The following CELF4 variants were observed in gnomAD, a reference collection of about 807,000 sequenced individuals.
The protein encoded by CELF4 is CUGBP Elav-like family member 4.
CELF4 carries 18 observed loss-of-function variants against 59.9 expected under a neutral mutation model. That is an observed-to-expected ratio of 0.30 (90% CI 0.21 to 0.45). The LOEUF (loss-of-function observed/expected upper bound fraction) is 0.45. CELF4 is among the 20% of genes least tolerant of loss of function. The pLI is 1.00. For missense variants in CELF4, 456 were observed against 689.0 expected, an observed-to-expected ratio of 0.66 and a Z score of 3.79; for synonymous variants, 261 against 267.1, an observed-to-expected ratio of 0.98 and a Z score of 0.22.
At chr18:37,489,067 G>A (rs558008058) in intron 1 of CELF4, among the ~76,000 whole-genome samples, 10 of 152,364 alleles carry the variant, frequency 6.6e-5, no homozygotes, top group Non-Finnish European at 1.0e-4. Flanking sequence ...AGGTGTTGAA[G>A]CCCCTTCCTT....
intron 10 of CELF4, among the ~76,000 whole-genome samples, chr18:37,261,600 C>T (rs1221771620): frequency 6.6e-6 from 1 of 152,230 alleles, no homozygotes; most frequent in Non-Finnish European, 1.5e-5. Flanking sequence ...GATTACAGAA[C>T]ATGCAGATGG....
At position 37,565,516 on chromosome 18, in the gene CELF4, G is replaced by A. The variant is rs766418247; in HGVS notation, c.126C>T (p.Asn42=). Residue 42 remains asparagine, a synonymous_variant, in exon 1 of 13, where the codon AAC becomes AAT. Transcript: ENST00000420428. The part of the protein sequence containing the change: ...HMNGLSHSPG[N]PSTIPMKDHD... ...GGTCCTTCATGGGAATGGTCGACGG[G>A]TTCCCCGGGCTGTGGCTTAATCCGT... 1.2e-6 allele frequency: 2 copies of A among 1,614,170 alleles called. No homozygotes were observed. The highest frequency in any genetic ancestry group is 1.7e-5 in the Admixed American group (1 of 60,026).
chr18:37,257,194 AC>A (rs1205912127), intron 11 of CELF4, among the ~76,000 whole-genome samples: 2 of 152,090 alleles, frequency 1.3e-5, no homozygotes, highest in African/African-American at 4.8e-5. Flanking sequence ...CTGCACCCAC[AC>A]CCGGGATGGT....
chr18:37,259,298 G>A, intron 10 of CELF4, 34 bp from the exon 11 acceptor site: 1 of 783,764 alleles, frequency 1.3e-6, no homozygotes, highest in South Asian at 1.6e-5. Context: ...CGGGGGAGGA[G>A]GGATGGCAGG....
At chr18:37,465,457 T>C (rs2099805347) in intron 2 of CELF4, among the ~76,000 whole-genome samples, 1 of 152,058 alleles carries the variant, frequency 6.6e-6, no homozygotes, top group Admixed American at 6.6e-5. Flanking sequence ...ATGGGCAGCC[T>C]CCATGTGGAC....
intron 1 of CELF4, among the ~76,000 whole-genome samples, chr18:37,534,619 T>G (rs1036793175): frequency 6.6e-6 from 1 of 152,208 alleles, no homozygotes; most frequent in African/African-American, 2.4e-5. Flanking sequence ...TCTCAATTCC[T>G]GCATTCAACC....
rs775042482 is a variant in CELF4, at chr18:37,264,664, G to C, written c.1249+10C>G. On this transcript the variant is annotated intron_variant, in intron 10 of 12. Coordinates refer to ENST00000420428, the MANE Select transcript of CELF4 (RefSeq NM_020180.4). ...GAGGGAGGGGCCCAGGAGCTGGCCT[G>C]CAGACTCACCTTCTCTCTGCTGCTG... 6.4e-7 allele frequency: 1 copy of C among 1,565,708 alleles called. No homozygotes were observed. Among genetic ancestry groups the C allele is most frequent in the Admixed American group, 1.9e-5 (1 of 53,124 alleles).
chr18:37,540,904 AGT>A (rs1375799531), intron 1 of CELF4, among the ~76,000 whole-genome samples: 1 of 151,894 alleles, frequency 6.6e-6, no homozygotes, highest in Non-Finnish European at 1.5e-5. Flanking sequence ...GAGGGCTGGC[AGT>A]GTCAGTGTGG....
At chr18:37,451,642 G>A (rs2099764340) in intron 2 of CELF4, among the ~76,000 whole-genome samples, 1 of 152,186 alleles carries the variant, frequency 6.6e-6, no homozygotes, top group Admixed American at 6.5e-5. Context: ...AGTAGCTAGC[G>A]CGTGTTCACA....
chr18:37,494,293 C>A (rs765081520), intron 1 of CELF4, among the ~76,000 whole-genome samples: 2 of 152,206 alleles, frequency 1.3e-5, no homozygotes, highest in Admixed American at 6.5e-5. Flanking sequence ...GATGGCCTGT[C>A]CCCCTTTTCA....
intron 11 of CELF4, among the ~76,000 whole-genome samples, chr18:37,257,071 A>G (rs1323867538): frequency 6.6e-6 from 1 of 152,134 alleles, no homozygotes; most frequent in Admixed American, 6.5e-5. Flanking sequence ...GATTAGAGGT[A>G]TACTAATTAG....
intron 2 of CELF4, among the ~76,000 whole-genome samples, chr18:37,431,025 G>T (rs2099648610): frequency 6.6e-6 from 1 of 152,228 alleles, no homozygotes; most frequent in Admixed American, 6.5e-5. Flanking sequence ...GGTTAGGCTT[G>T]GGTCCTGGGG....
intron 2 of CELF4, among the ~76,000 whole-genome samples, chr18:37,331,449 G>A (rs971051139): frequency 5.3e-5 from 8 of 152,142 alleles, no homozygotes; most frequent in African/African-American, 1.2e-4. Flanking sequence ...GGGGAAGGTC[G>A]CTGAGAAGCT....
intron 2 of CELF4, among the ~76,000 whole-genome samples, chr18:37,347,900 G>A (rs1251203434): frequency 2.0e-5 from 3 of 152,138 alleles, no homozygotes. Flanking sequence ...GCCTCCCAGA[G>A]GGCTCCCCTT....
intron 2 of CELF4, among the ~76,000 whole-genome samples, chr18:37,408,604 C>A (rs2099408990): frequency 6.6e-6 from 1 of 151,936 alleles, no homozygotes. Flanking sequence ...TTCCCGTTTC[C>A]TAGAATTGGA....
intron 2 of CELF4, among the ~76,000 whole-genome samples, chr18:37,462,392 G>C (rs889656635): frequency 6.6e-6 from 1 of 152,186 alleles, no homozygotes; most frequent in African/African-American, 2.4e-5. Context: ...CCTTGTGTCT[G>C]CTCCTCCGGA....
intron 1 of CELF4, among the ~76,000 whole-genome samples, chr18:37,516,879 T>C (rs1424029062): frequency 6.6e-6 from 1 of 152,128 alleles, no homozygotes; most frequent in East Asian, 1.9e-4. Flanking sequence ...TGGGATCTCC[T>C]CCCCATTTTA....
At chr18:37,489,423 G>A (rs1310336839) in intron 1 of CELF4, among the ~76,000 whole-genome samples, 4 of 152,100 alleles carry the variant, frequency 2.6e-5, no homozygotes, top group Admixed American at 6.5e-5. Flanking sequence ...ATGGGGGGCC[G>A]GGGAAGAAAG....
intron 2 of CELF4, among the ~76,000 whole-genome samples, chr18:37,341,960 C>T (rs2098060637): frequency 6.6e-6 from 1 of 152,066 alleles, no homozygotes; most frequent in Non-Finnish European, 1.5e-5. Context: ...GCTTACTCTC[C>T]TTGTTTGTGA....
Sources: allele counts gnomAD v4.1 joint callset (sites outside exome capture counted in the v4.1 genomes callset), GRCh38; gene constraint gnomAD v4.1.1; transcripts MANE v1.5; gene names NCBI Gene and HGNC (gene_info 2026-07-23, HGNC 2026-07-21).